Variants in P2RX5 observed in about 807,000 individuals in gnomAD.
P2RX5 encodes the protein P2X purinoceptor 5.
A neutral mutation model predicts 54.1 loss-of-function variants in P2RX5; 46 were observed. The ratio of observed to expected loss-of-function variants is 0.85; its 90% confidence interval spans 0.67 to 1.09. P2RX5 has a LOEUF of 1.09. Among genes scored for constraint, P2RX5 ranks in the 50% least tolerant of loss-of-function variants. P2RX5 has a pLI of 0.00. For synonymous variants in P2RX5, 226 were observed against 226.4 expected, an observed-to-expected ratio of 1.00 and a Z score of 0.02; for missense variants, 566 against 549.8, an observed-to-expected ratio of 1.03 and a Z score of -0.29.
At position 3,691,974 on chromosome 17, in the gene P2RX5, C is replaced by A. The variant is rs1038120655; in HGVS notation, c.138-180G>T. The A allele has an allele frequency of 1.5e-5, 10 of 660,240 alleles. No individual in the cohort carries two copies. In the African/African-American group the frequency reaches 1.8e-4, roughly 12 times the overall value. 40.9% of individuals were successfully genotyped at this position (660,240 alleles called of 1,614,324 possible). A position where few individuals can be genotyped will look rare whatever the true frequency, so the allele number is the denominator to read the frequency against. On this transcript the variant is annotated intron_variant, in intron 1 of 11. Coordinates refer to ENST00000225328, the MANE Select transcript of P2RX5 (RefSeq NM_002561.4). ...CACAGCTCCCACTGCTGACTGAAAC[C>A]CAGTCCTGCAAGCAGCAGAGGCGAC... is the stretch of plus-strand genomic sequence containing the variant.
At chr17:3,674,965 A>G (rs1385850387) in intron 11 of P2RX5, among the ~76,000 whole-genome samples, 1 of 152,234 alleles carries the variant, frequency 6.6e-6, no homozygotes, top group African/African-American at 2.4e-5. Flanking sequence ...TCTCAGCAGC[A>G]TCTGGTCCAA....
intron 6 of P2RX5, 44 bp downstream of exon 6, chr17:3,690,026 C>T (rs1398536130): frequency 5.1e-6 from 8 of 1,568,666 alleles, no homozygotes; most frequent in South Asian, 3.3e-5. Flanking sequence ...GGCCCCTCAT[C>T]GACCAAGGCC....
chr17:3,690,105 C>T lies in P2RX5; in HGVS notation c.579G>A (p.Lys193=), dbSNP rs1326411873. ...TGAATTTGGGGAAACGGATGTGGTT[C>T]TTTATGAAAATGGTGAAGTCTTCGG... ...KEAEDFTIFI[K]NHIRFPKFNF... Residue 193 remains lysine (K), a synonymous_variant, in exon 6 of 12, where the codon AAG becomes AAA. Coordinates refer to ENST00000225328, the MANE Select transcript of P2RX5 (RefSeq NM_002561.4). The T allele has an allele frequency of 2.5e-6, 4 of 1,614,196 alleles. No individual in the cohort carries two copies. Among genetic ancestry groups the T allele is most frequent in the Admixed American group, 1.7e-5 (1 of 60,034 alleles).
At chr17:3,691,961 T>C (rs1351375640) in intron 1 of P2RX5, 167 bp from the exon 2 acceptor site, 12 of 696,938 alleles carry the variant, frequency 1.7e-5, no homozygotes, top group African/African-American at 3.5e-5. Context: ...CAGCTCCCAC[T>C]GCTGACTGAA....
the P2RX5 span, among the ~76,000 whole-genome samples, chr17:3,705,371 T>A: frequency 2.6e-5 from 4 of 152,170 alleles, no homozygotes; most frequent in South Asian, 4.1e-4. Context: ...ACACTCAGCC[T>A]CAGCCAGCTT....
chr17:3,681,820 T>A, intron 10 of P2RX5, 76 bp downstream of exon 10: 2 of 958,444 alleles, frequency 2.1e-6, no homozygotes, highest in East Asian at 2.4e-5. Context: ...CAATATCACA[T>A]CAGGGCAAAG....
rs372613555 is a variant in P2RX5, at chr17:3,688,005, C to T, written c.981+7G>A. ...CCCAGCCTCAGAACAGGAGAAGGCACACGCACCTTGCCGTTCACCATCACG... is the reference window on the plus strand; with the variant it reads ...CCCAGCCTCAGAACAGGAGAAGGCATACGCACCTTGCCGTTCACCATCACG... On this transcript the variant is annotated splice_region_variant and intron_variant, in intron 9 of 11. Coordinates refer to ENST00000225328, the MANE Select transcript of P2RX5 (RefSeq NM_002561.4). 2 of 1,484,382 alleles carry T rather than the reference C, an allele frequency of 1.3e-6. No homozygotes were observed. Among genetic ancestry groups the T allele is most frequent in the Non-Finnish European group, 1.8e-6 (2 of 1,084,876 alleles). The allele number at this position is 1,484,382 out of a possible 1,614,324, so 92.0% of individuals were successfully genotyped here.
chr17:3,677,680 C>G, intron 11 of P2RX5: 6 of 985,342 alleles, frequency 6.1e-6, no homozygotes, highest in Non-Finnish European at 7.2e-6. Context: ...GGCCCCTCTC[C>G]CTGAGGTTAG....
intron 11 of P2RX5, chr17:3,677,417 G>C: frequency 1.0e-6 from 1 of 985,438 alleles, no homozygotes; most frequent in Non-Finnish European, 1.2e-6. Flanking sequence ...CTCCCCAGGA[G>C]CTGGCTTCCC....
chr17:3,692,760 C>T (rs220484), intron 1 of P2RX5, among the ~76,000 whole-genome samples: 130,141 of 152,102 alleles, frequency 0.86, 59,367 homozygotes, highest in East Asian at 1. Context: ...GAGGATCCCT[C>T]GAGCCTGGGA....
chr17:3,674,277 CTCCCA>C (rs1405139468), intron 11 of P2RX5, among the ~76,000 whole-genome samples: 3 of 151,646 alleles, frequency 2.0e-5, no homozygotes, highest in Non-Finnish European at 4.4e-5. Context: ...CGCCACGGCA[CTCCCA>C]TCCAGCCTGG....
upstream of P2RX5, among the ~76,000 whole-genome samples, chr17:3,697,813 T>C (rs2050787184): frequency 6.6e-6 from 1 of 152,144 alleles, no homozygotes; most frequent in African/African-American, 2.4e-5. Flanking sequence ...CCACCCAAAG[T>C]AGCCCCCAGT....
chr17:3,712,146 C>T, the P2RX5 span, among the ~76,000 whole-genome samples: 1 of 152,166 alleles, frequency 6.6e-6, no homozygotes, highest in African/African-American at 2.4e-5. Context: ...AGCAAACTTA[C>T]CTGTGTGTTT....
At chr17:3,682,068 C>T (rs747913058) in intron 9 of P2RX5, 90 bp from the exon 10 acceptor site, 3 of 860,956 alleles carry the variant, frequency 3.5e-6, no homozygotes, top group South Asian at 2.8e-5. Flanking sequence ...CTGCAACAGC[C>T]CCTAAAGGTG....
chr17:3,696,399 C>G (rs1313816396), upstream of P2RX5: 3 of 161,258 alleles, frequency 1.9e-5, no homozygotes, highest in East Asian at 3.5e-4. Context: ...AAGCAGCGAT[C>G]GCGGAGGAGA....
chr17:3,683,624 G>C (rs1426845864), intron 9 of P2RX5, among the ~76,000 whole-genome samples: 1 of 152,142 alleles, frequency 6.6e-6, no homozygotes, highest in African/African-American at 2.4e-5. Context: ...CAGCTACTCA[G>C]GAGGCTGAGG....
chr17:3,723,008 A>G, the P2RX5 span, among the ~76,000 whole-genome samples: 3 of 152,284 alleles, frequency 2.0e-5, no homozygotes, highest in East Asian at 5.8e-4. Context: ...GGTTTAGGAT[A>G]TATTTTGGCC....
chr17:3,677,113 C>G, intron 11 of P2RX5: 1 of 985,326 alleles, frequency 1.0e-6, no homozygotes, highest in Non-Finnish European at 1.2e-6. Flanking sequence ...AGGCAGAGAG[C>G]AGCTGAGGGT....
At chr17:3,699,763 C>T (rs1053137088), upstream of P2RX5, among the ~76,000 whole-genome samples, 10 of 149,188 alleles carry the variant, frequency 6.7e-5, no homozygotes, top group Non-Finnish European at 1.3e-4. Flanking sequence ...CAAGATCGCG[C>T]CACTGCACTC....
Sources: gnomAD v4.1 joint callset for allele counts (sites outside exome capture counted in the v4.1 genomes callset) on GRCh38, gnomAD v4.1.1 for gene constraint, MANE v1.5 for transcripts, NCBI Gene and HGNC (gene_info 2026-07-23, HGNC 2026-07-21) for gene names.